Variants in SHC3 observed in about 807,000 individuals in gnomAD.
SHC3 encodes SHC adaptor protein 3.
SHC3 carries 15 observed loss-of-function variants against 60.4 expected under a neutral mutation model. That is an observed-to-expected ratio of 0.25 (90% CI 0.17 to 0.38). The LOEUF (loss-of-function observed/expected upper bound fraction) is 0.38, where lower values mean the gene tolerates loss of function less well. Ranked by LOEUF, SHC3 falls within the 10% of genes least tolerant of loss-of-function variation. SHC3 has a pLI of 1.00. For missense variants in SHC3, 677 were observed against 786.1 expected (o/e 0.86, Z 1.66); for synonymous variants, 294 against 325.9 (o/e 0.90, Z 1.05).
chr9:89,167,989 C>T (rs1469954483), intron 1 of SHC3, among the ~76,000 whole-genome samples: 1 of 152,192 alleles, frequency 6.6e-6, no homozygotes, highest in Non-Finnish European at 1.5e-5. Flanking sequence ...GCCACCCGGG[C>T]CCCCACACCC....
chr9:89,043,348 C>G (rs1455833138), intron 9 of SHC3, among the ~76,000 whole-genome samples: 1 of 152,202 alleles, frequency 6.6e-6, no homozygotes, highest in African/African-American at 2.4e-5. Flanking sequence ...ATTGAAGAGT[C>G]TAGTCAGATT....
intron 2 of SHC3, among the ~76,000 whole-genome samples, chr9:89,104,155 A>G (rs1020176475): frequency 2.0e-5 from 3 of 151,816 alleles, no homozygotes; most frequent in African/African-American, 7.2e-5. Context: ...AAATTTCTGG[A>G]TGAGTGGGAT....
intron 2 of SHC3, among the ~76,000 whole-genome samples, chr9:89,089,122 A>C (rs1427608882): frequency 6.6e-6 from 1 of 152,112 alleles, no homozygotes; most frequent in Non-Finnish European, 1.5e-5. Flanking sequence ...TGATCACCGC[A>C]CAGAGCCTGT....
In SHC3 at chr9:89,057,689, A is replaced by G. The variant is rs143283674; in HGVS notation, c.836-5526T>C. 3.8e-3 allele frequency among the ~76,000 whole-genome samples: 573 copies of G among 152,252 alleles called. 2 individuals carry two copies. The highest frequency in any genetic ancestry group is 5.3e-3 in the Non-Finnish European group (360 of 68,000). On this transcript the variant is annotated intron_variant, in intron 6 of 11. Coordinates refer to ENST00000375835, the MANE Select transcript of SHC3 (RefSeq NM_016848.6). ...TTTATTTAGCAGACATTTTTTGAGC[A>G]TCTACTGTGCACAAGGCCCTGCCCT... is the stretch of plus-strand genomic sequence containing the variant.
intron 1 of SHC3, among the ~76,000 whole-genome samples, chr9:89,177,783 T>C (rs970244068): frequency 6.6e-6 from 1 of 152,184 alleles, no homozygotes; most frequent in Non-Finnish European, 1.5e-5. Context: ...GTAAACCTTT[T>C]CCCAATGGAT....
At chr9:89,135,854 A>T (rs1186351233) in intron 1 of SHC3, among the ~76,000 whole-genome samples, 2 of 152,194 alleles carry the variant, frequency 1.3e-5, no homozygotes, top group African/African-American at 2.4e-5. Context: ...GCTTGGTTTC[A>T]ACAATTTTCC....
chr9:89,011,669 G>A lies in SHC3; in HGVS notation c.*1778C>T, dbSNP rs1292832653. On this transcript the variant is annotated 3_prime_UTR_variant, in exon 12 of 12. Coordinates refer to ENST00000375835, the MANE Select transcript of SHC3 (RefSeq NM_016848.6). ...GGATCACTAAGCAGAGTATCCACATGATGCCTGAAGCCAAAACCATTTCAG... is the reference window on the plus strand; with the variant it reads ...GGATCACTAAGCAGAGTATCCACATAATGCCTGAAGCCAAAACCATTTCAG... The A allele has an allele frequency of 6.6e-6, 1 of 152,236 alleles. No individual in the cohort carries two copies. The highest frequency in any genetic ancestry group is 1.9e-4 in the East Asian group (1 of 5,196). 9.4% of individuals were successfully genotyped at this position (152,236 alleles called of 1,614,324 possible). A position where few individuals can be genotyped will look rare whatever the true frequency, so the allele number is the denominator to read the frequency against.
intron 2 of SHC3, among the ~76,000 whole-genome samples, chr9:89,097,231 T>C (rs928970274): frequency 3.9e-5 from 6 of 152,088 alleles, no homozygotes; most frequent in African/African-American, 1.4e-4. Context: ...TTAAAGTGCA[T>C]TTAACTAAAT....
intron 4 of SHC3, 113 bp from the exon 5 acceptor site, chr9:89,071,365 GTATC>G: frequency 1.0e-6 from 1 of 998,984 alleles, no homozygotes; most frequent in Non-Finnish European, 1.5e-6. Context: ...CTGAAAATTG[GTATC>G]TATATAAAAA....
chr9:89,140,739 A>T (rs1202936671), intron 1 of SHC3, among the ~76,000 whole-genome samples: 1 of 152,134 alleles, frequency 6.6e-6, no homozygotes, highest in African/African-American at 2.4e-5. Flanking sequence ...TTTTCCCAAA[A>T]CAGGGTCCGT....
At chr9:89,051,269 C>T (rs138149107) in intron 7 of SHC3, among the ~76,000 whole-genome samples, 3 of 152,276 alleles carry the variant, frequency 2.0e-5, no homozygotes, top group African/African-American at 7.2e-5. Context: ...TTTCATTATG[C>T]AAGTTCAATC....
intron 2 of SHC3, among the ~76,000 whole-genome samples, chr9:89,081,157 A>C (rs1016682336): frequency 4.6e-5 from 7 of 152,178 alleles, no homozygotes; most frequent in African/African-American, 1.4e-4. Flanking sequence ...CAATAGCATA[A>C]AAAATTTATG....
intron 10 of SHC3, 101 bp from the exon 11 acceptor site, chr9:89,038,389 G>A: frequency 1.5e-6 from 2 of 1,298,072 alleles, no homozygotes; most frequent in South Asian, 3.1e-5. Flanking sequence ...AAATGCAAAG[G>A]CAACTCCTCC....
At position 89,011,880 on chromosome 9, in the gene SHC3, C is replaced by T. The variant is rs1826017728; in HGVS notation, c.*1567G>A. 6.6e-6 allele frequency: 1 copy of T among 152,294 alleles called. No homozygotes were observed. Among genetic ancestry groups the T allele is most frequent in the South Asian group, 2.1e-4 (1 of 4,834 alleles). 9.4% of individuals were successfully genotyped at this position (152,294 alleles called of 1,614,324 possible). On this transcript the variant is annotated 3_prime_UTR_variant, in exon 12 of 12. Transcript: ENST00000375835. Reference sequence around the variant, plus strand: ...CTCATCCTCACTGGTTAGCTCTAACCTGTCCTTCCATCTGGCCACACGCAC... The same window carrying T: ...CTCATCCTCACTGGTTAGCTCTAACTTGTCCTTCCATCTGGCCACACGCAC...
intron 1 of SHC3, among the ~76,000 whole-genome samples, chr9:89,171,549 T>G (rs1221422757): frequency 1.3e-5 from 2 of 152,238 alleles, no homozygotes; most frequent in African/African-American, 4.8e-5. Context: ...TGAGGGGTTC[T>G]CCACTTCGGG....
chr9:89,142,746 G>A (rs74409500), intron 1 of SHC3, among the ~76,000 whole-genome samples: 3,617 of 151,284 alleles, frequency 0.024, 62 homozygotes, highest in Middle Eastern at 0.071. Flanking sequence ...ACTCCCCTAA[G>A]TTGGCCTCTA....
chr9:89,033,919 G>A (rs1023861416), intron 11 of SHC3, among the ~76,000 whole-genome samples: 4 of 152,082 alleles, frequency 2.6e-5, no homozygotes, highest in African/African-American at 9.7e-5. Context: ...GCAAAATCTT[G>A]ATACCAAAAC....
chr9:89,044,374 C>A (rs937567804), intron 9 of SHC3, among the ~76,000 whole-genome samples: 2 of 152,208 alleles, frequency 1.3e-5, no homozygotes, highest in African/African-American at 2.4e-5. Flanking sequence ...GGTCTTCCTG[C>A]ATCTGGGGCA....
intron 1 of SHC3, among the ~76,000 whole-genome samples, chr9:89,137,887 C>T (rs939883496): frequency 6.6e-6 from 1 of 152,136 alleles, no homozygotes; most frequent in Non-Finnish European, 1.5e-5. Flanking sequence ...AAGAAAAGAA[C>T]GATAACAGCC....
Sources: allele counts gnomAD v4.1 joint callset (sites outside exome capture counted in the v4.1 genomes callset), GRCh38; gene constraint gnomAD v4.1.1; transcripts MANE v1.5; gene names NCBI Gene and HGNC (gene_info 2026-07-23, HGNC 2026-07-21).